The following VRK2 variants were observed in gnomAD, a reference collection of about 807,000 sequenced individuals.
VRK2 encodes the protein VRK serine/threonine kinase 2.
A neutral mutation model predicts 57.6 loss-of-function variants in VRK2; 60 were observed. The ratio of observed to expected loss-of-function variants is 1.04; its 90% CI spans 0.85 to 1.29. The LOEUF is 1.29. Ranked by LOEUF, VRK2 falls within the 50% of genes most tolerant of loss-of-function variation. VRK2 has a pLI of 0.00. For synonymous variants in VRK2, 231 were observed against 199.2 expected (o/e 1.16, Z -1.35); for missense variants, 705 against 588.1 (o/e 1.20, Z -2.06).
chr2:58,050,810 T>G (rs1675602856), intron 2 of VRK2, among the ~76,000 whole-genome samples: 1 of 152,200 alleles, frequency 6.6e-6, no homozygotes, highest in Non-Finnish European at 1.5e-5. Flanking sequence ...CAGAAAAATA[T>G]TTGCTTCTTT....
intron 1 of VRK2, among the ~76,000 whole-genome samples, chr2:58,017,160 C>T (rs375333679): frequency 7.9e-5 from 12 of 152,268 alleles, no homozygotes; most frequent in Middle Eastern, 3.4e-3. Context: ...TCTTTTGACA[C>T]AGTTGTTGAA....
intron 1 of VRK2, among the ~76,000 whole-genome samples, chr2:58,011,046 G>A (rs1673402851): frequency 1.3e-5 from 2 of 152,160 alleles, no homozygotes; most frequent in Non-Finnish European, 2.9e-5. Context: ...TCCATACCTT[G>A]GAGGTCAGGT....
intron 2 of VRK2, among the ~76,000 whole-genome samples, chr2:58,052,786 TC>T (rs1675951058): frequency 6.6e-6 from 1 of 151,970 alleles, no homozygotes; most frequent in South Asian, 2.1e-4. Context: ...TGATAAAAGC[TC>T]CCCCTAAAAT....
At chr2:58,153,243 C>A (rs1380755398) in intron 12 of VRK2, among the ~76,000 whole-genome samples, 8 of 151,958 alleles carry the variant, frequency 5.3e-5, no homozygotes, top group Admixed American at 2.6e-4. Flanking sequence ...CAGTTCATTC[C>A]TTTTTATTGC....
downstream of VRK2, chr2:58,159,909 A>ACACTTCTGAAGTTTC (rs1012141452): frequency 7.8e-6 from 12 of 1,547,432 alleles, no homozygotes; most frequent in African/African-American, 1.1e-4. Context: ...AGTTTGGAAA[A>ACACTTCTGAAGTTTC]CACTTCTGAA....
chr2:58,048,739 T>A, intron 1 of VRK2, 88 bp from the exon 2 acceptor site: 1 of 1,530,050 alleles, frequency 6.5e-7, no homozygotes, highest in Non-Finnish European at 8.8e-7. Flanking sequence ...GAAAGTTCCC[T>A]ATTGAAGACA....
At chr2:58,068,104 A>C (rs2103960938) in intron 2 of VRK2, among the ~76,000 whole-genome samples, 1 of 151,844 alleles carries the variant, frequency 6.6e-6, no homozygotes, top group East Asian at 1.9e-4. Flanking sequence ...TAATTTTTCT[A>C]TTTTTAGTAG....
At chr2:58,107,761 C>T (rs888217997) in intron 7 of VRK2, among the ~76,000 whole-genome samples, 7 of 152,174 alleles carry the variant, frequency 4.6e-5, no homozygotes, top group Admixed American at 6.6e-5. Flanking sequence ...TGTGTGGTCA[C>T]ATCCCAGTGG....
At chr2:58,156,090 A>C (rs1228128009) in intron 12 of VRK2, among the ~76,000 whole-genome samples, 1 of 151,898 alleles carries the variant, frequency 6.6e-6, no homozygotes, top group African/African-American at 2.4e-5. Flanking sequence ...TCCACTCTTT[A>C]ATTACCAGAA....
chr2:58,092,669 T>A, intron 7 of VRK2, among the ~76,000 whole-genome samples: 1 of 150,346 alleles, frequency 6.7e-6, no homozygotes, highest in South Asian at 2.1e-4. Flanking sequence ...CCTGGTTTCA[T>A]TTTTTTTTCC....
At chr2:58,142,469 T>C (rs923106732) in intron 11 of VRK2, among the ~76,000 whole-genome samples, 1 of 151,850 alleles carries the variant, frequency 6.6e-6, no homozygotes, top group African/African-American at 2.4e-5. Context: ...TGATATTTTT[T>C]TCATGAAAAA....
chr2:57,966,430 T>C (rs1053636216), intron 1 of VRK2, among the ~76,000 whole-genome samples: 3 of 152,202 alleles, frequency 2.0e-5, no homozygotes, highest in African/African-American at 7.2e-5. Flanking sequence ...TAAGCTGTTA[T>C]GTTTTTGTTT....
chr2:57,986,736 T>A (rs996295099), intron 1 of VRK2, among the ~76,000 whole-genome samples: 1 of 151,702 alleles, frequency 6.6e-6, no homozygotes, highest in Non-Finnish European at 1.5e-5. Context: ...GCAGCTGGGA[T>A]TACAGGTGCG....
intron 3 of VRK2, among the ~76,000 whole-genome samples, chr2:58,034,850 CTA>C (rs1473600549): frequency 2.0e-5 from 3 of 151,880 alleles, no homozygotes; most frequent in African/African-American, 7.3e-5. Context: ...ACACTAGGTA[CTA>C]TTCTAAACGC....
chr2:57,910,802 T>C (rs756967369), intron 1 of VRK2, among the ~76,000 whole-genome samples: 32 of 152,306 alleles, frequency 2.1e-4, no homozygotes, highest in Middle Eastern at 3.4e-3. Flanking sequence ...GATAAAATAC[T>C]GTGAATTAAT....
At chr2:58,129,903 C>T (rs539326765) in intron 8 of VRK2, among the ~76,000 whole-genome samples, 4 of 152,084 alleles carry the variant, frequency 2.6e-5, no homozygotes, top group East Asian at 1.9e-4. Context: ...ATTCACCTAA[C>T]GGTAGTTATT....
At chr2:58,094,084 G>T (rs1235181873) in intron 7 of VRK2, among the ~76,000 whole-genome samples, 1 of 152,200 alleles carries the variant, frequency 6.6e-6, no homozygotes, top group African/African-American at 2.4e-5. Flanking sequence ...AGTATAGTTT[G>T]AAGTCAGGTA....
At chr2:58,132,945 T>C (rs369720378) in intron 9 of VRK2, among the ~76,000 whole-genome samples, 1 of 152,214 alleles carries the variant, frequency 6.6e-6, no homozygotes, top group East Asian at 1.9e-4. Flanking sequence ...ACTGCAGTGA[T>C]TGATGTGTCC....
chr2:57,919,324 A>G (rs2103902018), intron 1 of VRK2, among the ~76,000 whole-genome samples: 1 of 152,244 alleles, frequency 6.6e-6, no homozygotes, highest in Non-Finnish European at 1.5e-5. Context: ...AAGAAATATA[A>G]ACAATATTTC....
Sources: allele counts gnomAD v4.1 joint callset (sites outside exome capture counted in the v4.1 genomes callset), GRCh38; gene constraint gnomAD v4.1.1; transcripts MANE v1.5; gene names NCBI Gene and HGNC (gene_info 2026-07-23, HGNC 2026-07-21).